Variants in SLC24A2 observed in about 807,000 individuals in gnomAD.
SLC24A2 encodes the protein sodium/potassium/calcium exchanger 2.
A neutral mutation model predicts 62.0 loss-of-function variants in SLC24A2; 36 were observed. The observed-to-expected ratio is 0.58, with a 90% CI of 0.44 to 0.77. The LOEUF is 0.77. Ranked by LOEUF, SLC24A2 falls within the 30% of genes least tolerant of loss-of-function variation. The pLI, the probability that SLC24A2 is intolerant of heterozygous loss-of-function variation, is 0.00. For synonymous variants in SLC24A2, 358 were observed against 294.0 expected (o/e 1.22, Z -2.23); for missense variants, 846 against 817.9 (o/e 1.03, Z -0.42).
intron 2 of SLC24A2, among the ~76,000 whole-genome samples, chr9:19,693,428 A>T (rs978040512): frequency 6.6e-6 from 1 of 152,114 alleles, no homozygotes; most frequent in Non-Finnish European, 1.5e-5. Context: ...ATTAATTTTT[A>T]ATTTTAATTT....
intron 8 of SLC24A2, 24 bp from the exon 9 acceptor site, chr9:19,528,162 G>A (rs1397481254): frequency 6.9e-7 from 1 of 1,449,158 alleles, no homozygotes; most frequent in East Asian, 2.4e-5. Flanking sequence ...AGGAAGAGTT[G>A]AGAATATCAG....
At chr9:19,759,984 T>C (rs1024049496) in intron 2 of SLC24A2, among the ~76,000 whole-genome samples, 1 of 152,338 alleles carries the variant, frequency 6.6e-6, no homozygotes. Flanking sequence ...ATTTTGGTAA[T>C]TCAATCTGAG....
the SLC24A2 span, among the ~76,000 whole-genome samples, chr9:20,194,301 C>A: frequency 6.6e-6 from 1 of 152,086 alleles, no homozygotes; most frequent in African/African-American, 2.4e-5. Context: ...AAACCAATAT[C>A]TCTGGGCATC....
At chr9:20,276,978 C>A in the SLC24A2 span, among the ~76,000 whole-genome samples, 2 of 152,208 alleles carry the variant, frequency 1.3e-5, no homozygotes, top group Non-Finnish European at 2.9e-5. Context: ...GGCCTCCTGG[C>A]TTGTGATGGG....
At chr9:20,059,504 C>G in the SLC24A2 span, among the ~76,000 whole-genome samples, 2 of 152,016 alleles carry the variant, frequency 1.3e-5, no homozygotes, top group Non-Finnish European at 1.5e-5. Context: ...ATAAGGAAAA[C>G]TGGAAAATCC....
chr9:20,216,516 T>C, the SLC24A2 span, among the ~76,000 whole-genome samples: 1 of 152,158 alleles, frequency 6.6e-6, no homozygotes, highest in African/African-American at 2.4e-5. Flanking sequence ...GATGTTTCTG[T>C]TAAAGTGTCA....
the SLC24A2 span, among the ~76,000 whole-genome samples, chr9:20,065,460 G>C: frequency 6.6e-6 from 1 of 152,178 alleles, no homozygotes. Context: ...GAGGAATGGA[G>C]AGAGAAAGGG....
chr9:19,975,915 T>TGTTTGTTTGTTG, the SLC24A2 span, among the ~76,000 whole-genome samples: 1 of 152,152 alleles, frequency 6.6e-6, no homozygotes, highest in African/African-American at 2.4e-5. Context: ...TTTGTTTGTT[T>TGTTTGTTTGTTG]GTTTTTTTGA....
At chr9:20,224,085 C>T in the SLC24A2 span, among the ~76,000 whole-genome samples, 7 of 152,112 alleles carry the variant, frequency 4.6e-5, no homozygotes, top group East Asian at 1.4e-3. Flanking sequence ...CCCTCATGAT[C>T]CAATCACCTC....
At chr9:20,172,718 CA>C in the SLC24A2 span, among the ~76,000 whole-genome samples, 1 of 151,370 alleles carries the variant, frequency 6.6e-6, no homozygotes, top group East Asian at 1.9e-4. Context: ...AAATTACCAG[CA>C]AAAAAAAGTC....
the SLC24A2 span, among the ~76,000 whole-genome samples, chr9:20,039,105 T>C: frequency 1.3e-5 from 2 of 152,124 alleles, no homozygotes; most frequent in Admixed American, 6.5e-5. Flanking sequence ...GAGGAAAATA[T>C]AGACAGAAGG....
the SLC24A2 span, among the ~76,000 whole-genome samples, chr9:19,875,703 T>C: frequency 6.6e-6 from 1 of 152,206 alleles, no homozygotes; most frequent in African/African-American, 2.4e-5. Context: ...AGTTGTGAAC[T>C]ACAGTGAGAA....
intron 2 of SLC24A2, among the ~76,000 whole-genome samples, chr9:19,688,881 A>T (rs1819962559): frequency 6.6e-6 from 1 of 152,138 alleles, no homozygotes; most frequent in Non-Finnish European, 1.5e-5. Flanking sequence ...ACAGTCTCAT[A>T]GTGTTAAGCT....
chr9:19,790,061 C>A (rs1229375610), upstream of SLC24A2, among the ~76,000 whole-genome samples: 1 of 151,770 alleles, frequency 6.6e-6, no homozygotes, highest in East Asian at 1.9e-4. Flanking sequence ...TTTCTTCCCC[C>A]CACCCCCCAA....
At chr9:19,867,811 G>C in the SLC24A2 span, among the ~76,000 whole-genome samples, 1 of 152,180 alleles carries the variant, frequency 6.6e-6, no homozygotes, top group Non-Finnish European at 1.5e-5. Context: ...CGGAGGCTGA[G>C]GCAGGTGAAT....
chr9:20,106,134 C>A, the SLC24A2 span, among the ~76,000 whole-genome samples: 1 of 152,142 alleles, frequency 6.6e-6, no homozygotes, highest in Non-Finnish European at 1.5e-5. Context: ...TACACCCTCC[C>A]AAGACTAAAC....
the SLC24A2 span, among the ~76,000 whole-genome samples, chr9:20,092,671 T>A: frequency 6.6e-6 from 1 of 152,248 alleles, no homozygotes; most frequent in East Asian, 1.9e-4. Context: ...ATTGTATGCT[T>A]ATTACCAAAG....
chr9:20,101,412 C>T, the SLC24A2 span, among the ~76,000 whole-genome samples: 1 of 152,342 alleles, frequency 6.6e-6, no homozygotes, highest in East Asian at 1.9e-4. Flanking sequence ...TATATAGTGT[C>T]TATTAGTGGA....
At chr9:20,126,187 T>G in the SLC24A2 span, among the ~76,000 whole-genome samples, 1 of 152,204 alleles carries the variant, frequency 6.6e-6, no homozygotes, top group Non-Finnish European at 1.5e-5. Flanking sequence ...CTGCCTGCAT[T>G]TTTAATTTTT....
Sources: gnomAD v4.1 joint callset for allele counts (sites outside exome capture counted in the v4.1 genomes callset) on GRCh38, gnomAD v4.1.1 for gene constraint, MANE v1.5 for transcripts, NCBI Gene and HGNC (gene_info 2026-07-23, HGNC 2026-07-21) for gene names.